CNGB3: variants seen among roughly 807,000 people sequenced by gnomAD.
CNGB3 encodes cyclic nucleotide-gated channel beta-3.
In CNGB3, 86 loss-of-function variants were observed where a neutral mutation model predicts 92.8. The observed-to-expected ratio is 0.93, with a 90% CI of 0.78 to 1.11. The LOEUF is 1.11. Among genes scored for constraint, CNGB3 ranks in the 50% least tolerant of loss-of-function variants. The pLI, the probability that CNGB3 is intolerant of heterozygous loss-of-function variation, is 0.00. For missense variants in CNGB3, 1,026 were observed against 956.8 expected (o/e 1.07, Z -0.95); for synonymous variants, 333 against 332.7 (o/e 1.00, Z -0.01).
intron 10 of CNGB3, among the ~76,000 whole-genome samples, chr8:86,635,869 T>TATATATAC (rs1554611026): frequency 4.2e-5 from 3 of 70,852 alleles, no homozygotes; most frequent in Non-Finnish European, 8.0e-5. Context: ...TATATACACA[T>TATATATAC]ACACATATAC....
At chr8:86,624,971 C>G (rs1382647421) in intron 13 of CNGB3, among the ~76,000 whole-genome samples, 1 of 152,142 alleles carries the variant, frequency 6.6e-6, no homozygotes, top group Non-Finnish European at 1.5e-5. Flanking sequence ...ACTGACCACA[C>G]CTGCCTTGGT....
chr8:86,610,299 T>G (rs1461984063), intron 14 of CNGB3, among the ~76,000 whole-genome samples: 1 of 152,188 alleles, frequency 6.6e-6, no homozygotes, highest in Non-Finnish European at 1.5e-5. Flanking sequence ...TGGCTCATCA[T>G]ATTGAGAAAT....
intron 14 of CNGB3, among the ~76,000 whole-genome samples, chr8:86,609,202 G>A (rs1363205030): frequency 6.6e-6 from 1 of 152,178 alleles, no homozygotes; most frequent in East Asian, 1.9e-4. Flanking sequence ...AGGGGCACAG[G>A]TGCTAGAGTT....
chr8:86,617,247 C>G (rs1331865452), intron 13 of CNGB3, among the ~76,000 whole-genome samples: 1 of 152,102 alleles, frequency 6.6e-6, no homozygotes, highest in Non-Finnish European at 1.5e-5. Flanking sequence ...GAATGCGTAC[C>G]CTCTTAGTCC....
intron 3 of CNGB3, among the ~76,000 whole-genome samples, chr8:86,710,277 G>T (rs530792889): frequency 6.6e-6 from 1 of 152,234 alleles, no homozygotes; most frequent in Non-Finnish European, 1.5e-5. Flanking sequence ...TCCCATGCCT[G>T]AAGTTATCTC....
In CNGB3 at chr8:86,574,665, C is replaced by G. The variant is rs1821625494; in HGVS notation, c.*1139G>C. ...TTGGAAATAGCCTCATTACACAGAA[C>G]TTGATGTTATACACTAATGGCATTT... On this transcript the variant is annotated 3_prime_UTR_variant, in exon 18 of 18. Transcript: ENST00000320005. 1 of 152,188 alleles carries G rather than the reference C, an allele frequency of 6.6e-6. No homozygotes were observed. The highest frequency in any genetic ancestry group is 1.5e-5 in the Non-Finnish European group (1 of 68,022). 9.4% of individuals were successfully genotyped at this position (152,188 alleles called of 1,614,324 possible).
chr8:86,576,342 T>C (rs1821661864), intron 17 of CNGB3, among the ~76,000 whole-genome samples: 1 of 152,188 alleles, frequency 6.6e-6, no homozygotes, highest in African/African-American at 2.4e-5. Flanking sequence ...ACTCATGATG[T>C]TAGTCTGAAT....
At chr8:86,699,341 A>G (rs1824509761) in intron 3 of CNGB3, among the ~76,000 whole-genome samples, 1 of 152,172 alleles carries the variant, frequency 6.6e-6, no homozygotes, top group Non-Finnish European at 1.5e-5. Flanking sequence ...AATAAAATCA[A>G]GACTATTGAA....
chr8:86,680,374 A>G (rs950694418), intron 3 of CNGB3, among the ~76,000 whole-genome samples: 1 of 152,182 alleles, frequency 6.6e-6, no homozygotes, highest in Non-Finnish European at 1.5e-5. Context: ...TAATGAAAAA[A>G]ACCATCATTC....
intron 7 of CNGB3, among the ~76,000 whole-genome samples, 157 bp downstream of exon 7, chr8:86,653,855 C>T (rs183755822): frequency 9.2e-5 from 14 of 152,246 alleles, no homozygotes; most frequent in Non-Finnish European, 1.6e-4. Flanking sequence ...TACAAGGAAA[C>T]ATATCAGGTA....
intron 6 of CNGB3, among the ~76,000 whole-genome samples, chr8:86,655,855 C>T (rs965271210): frequency 6.6e-6 from 1 of 152,130 alleles, no homozygotes; most frequent in African/African-American, 2.4e-5. Context: ...TTATGTTTCA[C>T]TTATATGTAG....
intron 10 of CNGB3, 132 bp downstream of exon 10, chr8:86,643,619 A>G: frequency 3.2e-6 from 3 of 951,360 alleles, no homozygotes; most frequent in South Asian, 2.9e-5. Context: ...ATCCTTTTTT[A>G]TGGCCAAATA....
chr8:86,663,482 G>A (rs192122693), intron 6 of CNGB3, among the ~76,000 whole-genome samples: 1 of 152,338 alleles, frequency 6.6e-6, no homozygotes, highest in East Asian at 1.9e-4. Context: ...GTAGCTGTTA[G>A]CACCTCAATC....
chr8:86,613,694 C>A lies in CNGB3; in HGVS notation c.1579-2023G>T, dbSNP rs1822561273. Among the ~76,000 whole-genome samples the A allele has an allele frequency of 2.6e-5, 4 of 151,680 alleles. No homozygotes were observed. In the South Asian group the frequency reaches 8.3e-4, roughly 32 times the overall value. On this transcript the variant is annotated intron_variant, in intron 13 of 17. Transcript: ENST00000320005. The stretch of plus-strand genomic sequence containing the variant: ...TCATATAAATAATTTTAATTTTTGG[C>A]ACTAATTTTTAAGGTTTTAATTATA...
chr8:86,623,118 C>T (rs1822774007), intron 13 of CNGB3, among the ~76,000 whole-genome samples: 1 of 152,040 alleles, frequency 6.6e-6, no homozygotes, highest in South Asian at 2.1e-4. Flanking sequence ...ATTTTTTCTT[C>T]TTTCCATACT....
chr8:86,575,943 T>C lies in CNGB3; in HGVS notation c.2291A>G (p.Glu764Gly). The C allele has an allele frequency of 6.2e-7, 1 of 1,614,084 alleles. No homozygotes were observed. The highest frequency in any genetic ancestry group is 8.5e-7 in the Non-Finnish European group (1 of 1,179,976). The change falls in exon 18 of 18, where the codon GAG (glutamate) becomes GGG (glycine). Residue 764 changes from glutamate (E) to glycine (G), a missense_variant. Coordinates refer to ENST00000320005, the MANE Select transcript of CNGB3 (RefSeq NM_019098.5). ...CCTTCTAACTGAGTGGGGTTCTTCC[T>C]CCACTGCAATAGGACTTGCTGTACA... ...PECTASPIAV[E>G]EEPHSVRRTV...
intron 3 of CNGB3, among the ~76,000 whole-genome samples, chr8:86,713,160 T>C (rs1279806296): frequency 6.6e-6 from 1 of 152,230 alleles, no homozygotes; most frequent in Non-Finnish European, 1.5e-5. Flanking sequence ...GGAGATGTTT[T>C]CTAAATTTTA....
At chr8:86,729,704 C>A (rs1166984946) in intron 2 of CNGB3, among the ~76,000 whole-genome samples, 1 of 152,202 alleles carries the variant, frequency 6.6e-6, no homozygotes, top group Non-Finnish European at 1.5e-5. Context: ...GTCTTTTTAT[C>A]CATGCAACAT....
chr8:86,596,693 T>C (rs1368952455), intron 15 of CNGB3, among the ~76,000 whole-genome samples: 1 of 152,182 alleles, frequency 6.6e-6, no homozygotes, highest in Non-Finnish European at 1.5e-5. Flanking sequence ...AGTGTCTTCA[T>C]GCAAACAATA....
Sources: gnomAD v4.1 joint callset for allele counts (sites outside exome capture counted in the v4.1 genomes callset) on GRCh38, gnomAD v4.1.1 for gene constraint, MANE v1.5 for transcripts, NCBI Gene and HGNC (gene_info 2026-07-23, HGNC 2026-07-21) for gene names.